The following ASTN2 variants were observed in gnomAD, a reference collection of about 807,000 sequenced individuals.
The protein encoded by ASTN2 is astrotactin-2.
A neutral mutation model predicts 139.8 loss-of-function variants in ASTN2; 54 were observed. That is an observed-to-expected ratio of 0.39 (90% confidence interval 0.31 to 0.48). The LOEUF (loss-of-function observed/expected upper bound fraction) is 0.48, where lower values mean the gene tolerates loss of function less well. ASTN2 is among the 20% of genes least tolerant of loss of function. The pLI, the probability that ASTN2 is intolerant of heterozygous loss-of-function variation, is 0.95. For synonymous variants in ASTN2, 756 were observed against 719.5 expected, an observed-to-expected ratio of 1.05 and a Z score of -0.81; for missense variants, 1,565 against 1,725.1, an observed-to-expected ratio of 0.91 and a Z score of 1.64.
At chr9:117,262,417 A>ATTT (rs3041150) in intron 2 of ASTN2, among the ~76,000 whole-genome samples, 238 of 149,940 alleles carry the variant, frequency 1.6e-3, no homozygotes, top group Non-Finnish European at 1.6e-3. Context: ...TTATTTATTT[A>ATTT]TTTTTTATCT....
At chr9:116,825,403 A>G (rs1212496932) in intron 11 of ASTN2, among the ~76,000 whole-genome samples, 1 of 152,234 alleles carries the variant, frequency 6.6e-6, no homozygotes, top group African/African-American at 2.4e-5. Context: ...GGATATATAA[A>G]CAAGTAATAA....
At chr9:116,660,376 G>A (rs1858490287) in intron 16 of ASTN2, among the ~76,000 whole-genome samples, 1 of 152,182 alleles carries the variant, frequency 6.6e-6, no homozygotes, top group African/African-American at 2.4e-5. Flanking sequence ...ATAGCACAGT[G>A]TTTTGCTTGA....
chr9:117,056,926 T>C (rs1839080781), intron 5 of ASTN2, among the ~76,000 whole-genome samples: 2 of 152,228 alleles, frequency 1.3e-5, no homozygotes, highest in South Asian at 4.1e-4. Flanking sequence ...GAATCACGTC[T>C]TTCAAAGCCT....
chr9:116,848,243 G>A (rs1207557403), intron 11 of ASTN2, among the ~76,000 whole-genome samples: 2 of 152,190 alleles, frequency 1.3e-5, no homozygotes, highest in African/African-American at 4.8e-5. Flanking sequence ...CCTCACCATA[G>A]ATGCTTGGAT....
chr9:117,336,495 A>T (rs917232841), intron 1 of ASTN2, among the ~76,000 whole-genome samples: 48 of 152,152 alleles, frequency 3.2e-4, no homozygotes, highest in African/African-American at 1.1e-3. Context: ...CTTGATCCCC[A>T]TCTCCTATCT....
Position 116,698,610 on chromosome 9 carries a change from C to G in ASTN2, c.2806+27161G>C, listed in dbSNP as rs1272966742. The stretch of plus-strand genomic sequence containing the variant: ...TAAGGTAGGTCATGTTGGCCCCCTC[C>G]AAATTGGACAAGCTGTTAAGAAGCC... On this transcript the variant is annotated intron_variant, in intron 16 of 22. Transcript: ENST00000313400. The surrounding 1 kb of genome is among the most constrained non-coding windows in gnomAD (Gnocchi z 4.4). 6.2e-7 allele frequency: 1 copy of G among 1,613,982 alleles called. No individual in the cohort carries two copies. The highest frequency in any genetic ancestry group is 8.5e-7 in the Non-Finnish European group (1 of 1,180,032).
At chr9:116,654,779 C>A (rs1206512954) in intron 16 of ASTN2, among the ~76,000 whole-genome samples, 1 of 152,148 alleles carries the variant, frequency 6.6e-6, no homozygotes, top group Non-Finnish European at 1.5e-5. Flanking sequence ...CCCCATAGCA[C>A]CTTGCTATAT....
At chr9:116,758,896 T>C (rs1225999971) in intron 13 of ASTN2, among the ~76,000 whole-genome samples, 2 of 152,126 alleles carry the variant, frequency 1.3e-5, no homozygotes, top group African/African-American at 4.8e-5. Context: ...TTCCTTTTAT[T>C]TTATTTTTTC....
intron 3 of ASTN2, among the ~76,000 whole-genome samples, chr9:117,191,227 CAAA>C (rs35328157): frequency 1.6e-5 from 1 of 62,456 alleles, no homozygotes; most frequent in Non-Finnish European, 3.4e-5. Flanking sequence ...TACAAAATAG[CAAA>C]AAAAAAAAAA....
chr9:116,532,945 C>T (rs1350726222), intron 19 of ASTN2, among the ~76,000 whole-genome samples: 1 of 152,108 alleles, frequency 6.6e-6, no homozygotes, highest in Non-Finnish European at 1.5e-5. Flanking sequence ...TATAAATTAC[C>T]TTGGGCAGTA....
chr9:116,779,684 C>T (rs1354110198), intron 13 of ASTN2, among the ~76,000 whole-genome samples: 1 of 152,118 alleles, frequency 6.6e-6, no homozygotes, highest in East Asian at 1.9e-4. Flanking sequence ...TTGCTAATTT[C>T]CCTTCTTTTT....
chr9:116,769,461 G>A (rs1829899601), intron 13 of ASTN2, among the ~76,000 whole-genome samples: 1 of 152,152 alleles, frequency 6.6e-6, no homozygotes, highest in South Asian at 2.1e-4. Flanking sequence ...ACATAAGGTG[G>A]TAGCTAAAGG....
intron 10 of ASTN2, among the ~76,000 whole-genome samples, chr9:116,919,940 CAAAAA>C (rs35192686): frequency 1.5e-3 from 192 of 128,872 alleles, no homozygotes; most frequent in African/African-American, 5.6e-3. Context: ...GAATCTGTCT[CAAAAA>C]AAAAAAAAAA....
intron 10 of ASTN2, among the ~76,000 whole-genome samples, chr9:116,910,540 C>G (rs1834282654): frequency 1.3e-5 from 2 of 152,222 alleles, no homozygotes; most frequent in Non-Finnish European, 2.9e-5. Flanking sequence ...CAACCCCCAT[C>G]TTTAACATTC....
chr9:117,120,371 A>G (rs1214109603), intron 4 of ASTN2, among the ~76,000 whole-genome samples: 1 of 152,118 alleles, frequency 6.6e-6, no homozygotes, highest in African/African-American at 2.4e-5. Context: ...GGTGCCCATG[A>G]GGAAGGCCAC....
chr9:116,921,254 C>G (rs1028537667), intron 10 of ASTN2, among the ~76,000 whole-genome samples: 5 of 152,204 alleles, frequency 3.3e-5, no homozygotes, highest in Non-Finnish European at 7.3e-5. Context: ...GATCCAATCA[C>G]CTTCCACCAG....
At chr9:116,684,468 C>T (rs533460788) in intron 16 of ASTN2, among the ~76,000 whole-genome samples, 15 of 152,216 alleles carry the variant, frequency 9.9e-5, no homozygotes, top group Admixed American at 7.2e-4. Context: ...GGTTGGAAGT[C>T]GCCAGACTAA....
intron 19 of ASTN2, among the ~76,000 whole-genome samples, chr9:116,531,416 T>C (rs1463063804): frequency 6.6e-6 from 1 of 152,226 alleles, no homozygotes; most frequent in Non-Finnish European, 1.5e-5. Flanking sequence ...ATGCACAACG[T>C]GCAGGTTTGT....
intron 19 of ASTN2, among the ~76,000 whole-genome samples, chr9:116,546,391 T>C (rs1490010851): frequency 6.6e-6 from 1 of 151,956 alleles, no homozygotes; most frequent in African/African-American, 2.4e-5. Flanking sequence ...AGAAACTGAG[T>C]CTCAGAGATG....
Sources: allele counts gnomAD v4.1 joint callset (sites outside exome capture counted in the v4.1 genomes callset), GRCh38; gene constraint gnomAD v4.1.1; non-coding constraint Gnocchi (gnomAD v3.1); transcripts MANE v1.5; gene names NCBI Gene and HGNC (gene_info 2026-07-23, HGNC 2026-07-21).